Variants in STK32B observed in about 807,000 individuals in gnomAD.
STK32B encodes the protein serine/threonine-protein kinase 32B.
STK32B carries 43 observed loss-of-function variants against 52.6 expected under a neutral mutation model. That is an observed-to-expected ratio of 0.82 (90% CI 0.64 to 1.05). The LOEUF (loss-of-function observed/expected upper bound fraction) is 1.05. Among genes scored for constraint, STK32B ranks in the 50% least tolerant of loss-of-function variants. The pLI, the probability that STK32B is intolerant of heterozygous loss-of-function variation, is 0.00. For missense variants in STK32B, 621 were observed against 534.6 expected (o/e 1.16, Z -1.59); for synonymous variants, 238 against 204.3 (o/e 1.17, Z -1.41).
At chr4:5,324,389 G>C (rs1198484591) in intron 3 of STK32B, among the ~76,000 whole-genome samples, 1 of 152,014 alleles carries the variant, frequency 6.6e-6, no homozygotes, top group Non-Finnish European at 1.5e-5. Flanking sequence ...CACTTAGAAC[G>C]GTGTCTGGCA....
chr4:5,419,121 C>T (rs1041155846), intron 6 of STK32B, among the ~76,000 whole-genome samples: 2 of 152,188 alleles, frequency 1.3e-5, no homozygotes, highest in African/African-American at 4.8e-5. Context: ...GAGGGGCCTC[C>T]AGCAAGAGAG....
chr4:5,410,192 A>G (rs1711551044), intron 5 of STK32B, among the ~76,000 whole-genome samples: 1 of 152,176 alleles, frequency 6.6e-6, no homozygotes, highest in Non-Finnish European at 1.5e-5. Flanking sequence ...GGTTGCTGGA[A>G]ACGGCTGGAG....
intron 1 of STK32B, among the ~76,000 whole-genome samples, chr4:5,055,642 C>T (rs1398471330): frequency 6.6e-6 from 1 of 152,138 alleles, no homozygotes; most frequent in East Asian, 1.9e-4. Context: ...CCCTCTGAGA[C>T]TGCACCTTCC....
At chr4:5,497,325 A>T (rs1392719101) in intron 11 of STK32B, among the ~76,000 whole-genome samples, 1 of 152,242 alleles carries the variant, frequency 6.6e-6, no homozygotes, top group Non-Finnish European at 1.5e-5. Context: ...AAATAAATGC[A>T]AACACAGACA....
chr4:5,153,043 C>T (rs974196121), intron 2 of STK32B, among the ~76,000 whole-genome samples: 8 of 152,138 alleles, frequency 5.3e-5, no homozygotes, highest in Admixed American at 2.0e-4. Flanking sequence ...ATGATGAATC[C>T]GCGTCCTGGA....
rs1727000677 is a variant in STK32B, at chr4:5,265,484, T to C, written c.261-65736T>C. ...ACTGCCGCCATCCATCCACCTCCAG[T>C]TGGAAGCACCTCAGAGCTAATTGAA... On this transcript the variant is annotated intron_variant, in intron 3 of 11. Transcript: ENST00000282908. 1.3e-5 allele frequency among the ~76,000 whole-genome samples: 2 copies of C among 152,158 alleles called. 1 individual carries two copies. Among genetic ancestry groups the C allele is most frequent in the South Asian group, 4.1e-4 (2 of 4,820 alleles).
chr4:5,203,048 T>A (rs1722279573), intron 3 of STK32B, among the ~76,000 whole-genome samples: 1 of 152,226 alleles, frequency 6.6e-6, no homozygotes, highest in Non-Finnish European at 1.5e-5. Context: ...TCCCAGCTCT[T>A]CATCTTGGAA....
intron 1 of STK32B, among the ~76,000 whole-genome samples, chr4:5,070,267 T>A (rs1264918393): frequency 6.6e-6 from 1 of 152,078 alleles, no homozygotes; most frequent in Admixed American, 6.5e-5. Flanking sequence ...AGTGTGGAAC[T>A]GGTGGTTGAG....
At position 5,193,456 on chromosome 4, in the gene STK32B, T is replaced by A. The variant is rs113879475; in HGVS notation, c.260+25006T>A. On this transcript the variant is annotated intron_variant, in intron 3 of 11. Transcript: ENST00000282908. ...AGAGGAGTCAGTATTTCAACCTATC[T>A]CTGTCTGACTCCAAGCTTGAGCATC... Among the ~76,000 whole-genome samples, 1,481 of 152,290 alleles carry A rather than the reference T, an allele frequency of 9.7e-3. 20 individuals are homozygous for A. The highest frequency in any genetic ancestry group is 0.033 in the African/African-American group (1,357 of 41,558).
At chr4:5,160,963 G>T (rs886611126) in intron 2 of STK32B, among the ~76,000 whole-genome samples, 4 of 152,182 alleles carry the variant, frequency 2.6e-5, no homozygotes, top group African/African-American at 9.7e-5. Context: ...AGCATGGCAG[G>T]TACAGGGAAG....
At chr4:5,279,022 G>C (rs1728023004) in intron 3 of STK32B, among the ~76,000 whole-genome samples, 1 of 152,080 alleles carries the variant, frequency 6.6e-6, no homozygotes, top group Non-Finnish European at 1.5e-5. Context: ...ATTTGGGTGG[G>C]GACACAGAGC....
chr4:5,117,088 A>G (rs1485109447), intron 1 of STK32B, among the ~76,000 whole-genome samples: 1 of 152,204 alleles, frequency 6.6e-6, no homozygotes, highest in African/African-American at 2.4e-5. Flanking sequence ...TCATGTGAAA[A>G]CAGAGACAGT....
chr4:5,041,804 C>CTTTT, the STK32B span, among the ~76,000 whole-genome samples: 1 of 149,596 alleles, frequency 6.7e-6, no homozygotes, highest in Non-Finnish European at 1.5e-5. Context: ...CAGCCTTTAT[C>CTTTT]TTTTTTTTTT....
intron 6 of STK32B, among the ~76,000 whole-genome samples, chr4:5,423,632 T>C (rs1712827310): frequency 1.3e-5 from 2 of 152,168 alleles, no homozygotes; most frequent in South Asian, 4.1e-4. Context: ...GCTCACACTC[T>C]AGTTGCAGAA....
chr4:5,052,811 C>G (rs908822708), intron 1 of STK32B, among the ~76,000 whole-genome samples: 11 of 152,186 alleles, frequency 7.2e-5, no homozygotes, highest in African/African-American at 1.4e-4. Flanking sequence ...ACTGTGCTGA[C>G]TCGCCAGTCT....
intron 2 of STK32B, among the ~76,000 whole-genome samples, chr4:5,141,209 G>A (rs1339125989): frequency 6.6e-6 from 1 of 152,244 alleles, no homozygotes; most frequent in Non-Finnish European, 1.5e-5. Context: ...CTCAGGTTAT[G>A]ACGCATTTCC....
At chr4:5,339,461 A>T (rs1732926897) in intron 4 of STK32B, among the ~76,000 whole-genome samples, 1 of 152,144 alleles carries the variant, frequency 6.6e-6, no homozygotes, top group Non-Finnish European at 1.5e-5. Context: ...GTATGTGTAG[A>T]TTTGAAACTG....
At chr4:5,417,364 G>A (rs1372055859) in intron 6 of STK32B, among the ~76,000 whole-genome samples, 1 of 152,102 alleles carries the variant, frequency 6.6e-6, no homozygotes, top group African/African-American at 2.4e-5. Context: ...TTTTTAGTTT[G>A]CATTCTGTTC....
In STK32B at chr4:5,242,504, A is replaced by G. The variant is rs185456883; in HGVS notation, c.260+74054A>G. 2.0e-5 allele frequency among the ~76,000 whole-genome samples: 3 copies of G among 152,202 alleles called. No homozygotes were observed. The East Asian group carries it at 5.8e-4, about 29-fold the overall frequency. On this transcript the variant is annotated intron_variant, in intron 3 of 11. Coordinates refer to ENST00000282908, the MANE Select transcript of STK32B (RefSeq NM_018401.3). ...CCTTTGTCAGATGAGTAGGTTGCAAAAATTTTCTCCCATTCTGTGGGTTGC... is the reference window on the plus strand; with the variant it reads ...CCTTTGTCAGATGAGTAGGTTGCAAGAATTTTCTCCCATTCTGTGGGTTGC...
Sources: allele counts gnomAD v4.1 joint callset (sites outside exome capture counted in the v4.1 genomes callset), GRCh38; gene constraint gnomAD v4.1.1; transcripts MANE v1.5; gene names NCBI Gene and HGNC (gene_info 2026-07-23, HGNC 2026-07-21).